The following EHMT1 variants were observed in gnomAD, a reference collection of about 807,000 sequenced individuals.
EHMT1 encodes histone-lysine N-methyltransferase EHMT1.
A neutral mutation model predicts 147.2 loss-of-function variants in EHMT1; 15 were observed. The observed-to-expected ratio is 0.10, with a 90% CI of 0.07 to 0.16. EHMT1 has a LOEUF of 0.16. Among genes scored for constraint, EHMT1 ranks in the 10% least tolerant of loss-of-function variants. The pLI is 1.00. For synonymous variants in EHMT1, 795 were observed against 709.6 expected (o/e 1.12, Z -1.91); for missense variants, 1,587 against 1,772.4 (o/e 0.90, Z 1.88).
At chr9:137,629,093 A>ATTTTTTTT (rs199719136) in intron 1 of EHMT1, among the ~76,000 whole-genome samples, 1 of 129,798 alleles carries the variant, frequency 7.7e-6, no homozygotes, top group African/African-American at 2.8e-5. Flanking sequence ...TTGCTTTTGT[A>ATTTTTTTT]TTTTTTTTTT....
In EHMT1 at chr9:137,707,500, G is replaced by T. The variant is rs535290481; in HGVS notation, c.22-3467G>T. Among the ~76,000 whole-genome samples, 11 of 152,292 alleles carry T rather than the reference G, an allele frequency of 7.2e-5. No homozygotes were observed. In the East Asian group the frequency reaches 1.9e-3, roughly 27 times the overall value. On this transcript the variant is annotated intron_variant, in intron 1 of 26. Coordinates refer to ENST00000460843, the MANE Select transcript of EHMT1 (RefSeq NM_024757.5). Reference sequence around the variant, plus strand: ...TCCCTTAATGGAAGTGAGCACTGGGGATGCTACAGACCAGGCAGAGGCATC... The same window carrying T: ...TCCCTTAATGGAAGTGAGCACTGGGTATGCTACAGACCAGGCAGAGGCATC...
intron 1 of EHMT1, among the ~76,000 whole-genome samples, chr9:137,668,955 C>T (rs1940056021): frequency 6.6e-6 from 1 of 152,182 alleles, no homozygotes; most frequent in Non-Finnish European, 1.5e-5. Flanking sequence ...GGCGCAATCT[C>T]AGCTCACTGC....
intron 25 of EHMT1, among the ~76,000 whole-genome samples, chr9:137,818,599 C>G (rs1167254208): frequency 7.1e-4 from 81 of 114,390 alleles, no homozygotes; most frequent in Non-Finnish European, 1.0e-3. Flanking sequence ...TTGAGGGGCG[C>G]CATGTACCGA....
At position 137,787,836 on chromosome 9, in the gene EHMT1, C is replaced by G. The variant is rs2137021668; in HGVS notation, c.2383-3012C>G. 1.0e-6 allele frequency: 1 copy of G among 1,002,578 alleles called. No individual in the cohort carries two copies. Among genetic ancestry groups the G allele is most frequent in the Admixed American group, 1.7e-5 (1 of 58,928 alleles). 62.1% of individuals were successfully genotyped at this position (1,002,578 alleles called of 1,614,324 possible). ...AGGGGCCACCCCCCAGTAGGCAGAG[C>G]TGGTTGACGGTGGACATTGGGGATA... is the stretch of plus-strand genomic sequence containing the variant. On this transcript the variant is annotated intron_variant, in intron 15 of 26. Coordinates refer to ENST00000460843, the MANE Select transcript of EHMT1 (RefSeq NM_024757.5). The surrounding 1 kb of genome is among the most constrained non-coding windows in gnomAD (Gnocchi z 4.2).
chr9:137,721,116 G>A (rs2135594007), intron 3 of EHMT1, among the ~76,000 whole-genome samples: 1 of 146,698 alleles, frequency 6.8e-6, no homozygotes, highest in East Asian at 2.0e-4. Context: ...TGTGACTGCT[G>A]ATGGGGAGCA....
rs1949220691 is a variant in EHMT1, at chr9:137,754,443, C to T, written c.1369+152C>T. On this transcript the variant is annotated intron_variant, in intron 8 of 26. Coordinates refer to ENST00000460843, the MANE Select transcript of EHMT1 (RefSeq NM_024757.5). The stretch of plus-strand genomic sequence containing the variant: ...GTTTGAAATGACTTTGTTAGAGAAA[C>T]TCAAGTGATTCTAAAGTAGTTTCCT... The T allele has an allele frequency of 4.3e-6, 5 of 1,162,856 alleles. No homozygotes were observed. The Admixed American group carries it at 1.4e-4, about 32-fold the overall frequency. The allele number at this position is 1,162,856 out of a possible 1,614,324, so 72.0% of individuals were successfully genotyped here.
At chr9:137,723,213 C>T (rs1273627564) in intron 3 of EHMT1, among the ~76,000 whole-genome samples, 3 of 80,630 alleles carry the variant, frequency 3.7e-5, no homozygotes, top group Non-Finnish European at 7.6e-5. Context: ...GGGCCTGAGC[C>T]CGGGGTGTGC....
intron 1 of EHMT1, among the ~76,000 whole-genome samples, chr9:137,659,123 G>T (rs577210112): frequency 1.3e-5 from 2 of 151,580 alleles, no homozygotes; most frequent in Non-Finnish European, 2.9e-5. Context: ...TATGTTTGTT[G>T]TGCCATCAAA....
At chr9:137,718,273 G>A (rs1028212995) in intron 3 of EHMT1, among the ~76,000 whole-genome samples, 10 of 152,358 alleles carry the variant, frequency 6.6e-5, no homozygotes, top group African/African-American at 1.7e-4. Flanking sequence ...CAGATCTTAC[G>A]TGGTGCATAC....
At position 137,813,125 on chromosome 9, in the gene EHMT1, A is replaced by G; in HGVS notation, c.2987A>G (p.Gln996Arg). 1 of 1,612,792 alleles carries G rather than the reference A, an allele frequency of 6.2e-7. No individual in the cohort carries two copies. Among genetic ancestry groups the G allele is most frequent in the Non-Finnish European group, 8.5e-7 (1 of 1,180,034 alleles). The change falls in exon 20 of 27, where the codon CAG becomes CGG. Residue 996 changes from glutamine (Q) to arginine (R), a missense_variant. Gln to Arg is a conservative substitution (Grantham distance 43). Coordinates refer to ENST00000460843, the MANE Select transcript of EHMT1 (RefSeq NM_024757.5). This position sits in a 1 kb window ranked among gnomAD's most constrained non-coding sequence, Gnocchi z 4.9. ...GCTCTGCAGATGAGCAAGGCTCTGCAGGACTCGGCCCCCGACAGGCCCAGC... is the reference window on the plus strand; with the variant it reads ...GCTCTGCAGATGAGCAAGGCTCTGCGGGACTCGGCCCCCGACAGGCCCAGC... ...WSALQMSKAL[Q>R]DSAPDRPSPV...
intron 1 of EHMT1, among the ~76,000 whole-genome samples, chr9:137,706,336 T>C (rs999888601): frequency 6.6e-6 from 1 of 152,170 alleles, no homozygotes; most frequent in African/African-American, 2.4e-5. Flanking sequence ...ATGTTGTGAG[T>C]GGAAAGGTCT....
chr9:137,713,088 A>C (rs1029021565), intron 2 of EHMT1, among the ~76,000 whole-genome samples: 5 of 152,010 alleles, frequency 3.3e-5, no homozygotes, highest in African/African-American at 1.2e-4. Flanking sequence ...GTTGGCTTTA[A>C]ATGTGAGGGT....
At chr9:137,657,230 G>A (rs983750650) in intron 1 of EHMT1, among the ~76,000 whole-genome samples, 5 of 152,204 alleles carry the variant, frequency 3.3e-5, no homozygotes, top group African/African-American at 9.6e-5. Flanking sequence ...GGAGCAAGGC[G>A]TGGGGCAGCC....
At chr9:137,719,113 G>T (rs1039187318) in intron 3 of EHMT1, among the ~76,000 whole-genome samples, 1 of 152,058 alleles carries the variant, frequency 6.6e-6, no homozygotes, top group Non-Finnish European at 1.5e-5. Context: ...TTCAAAAGAC[G>T]GTGATTATAA....
chr9:137,659,347 G>A (rs1938821294), intron 1 of EHMT1, among the ~76,000 whole-genome samples: 1 of 151,474 alleles, frequency 6.6e-6, no homozygotes, highest in African/African-American at 2.4e-5. Flanking sequence ...TGTTGTTTCT[G>A]TGTATTATGA....
At chr9:137,795,073 T>C (rs545031776) in intron 16 of EHMT1, 1 of 152,304 alleles carries the variant, frequency 6.6e-6, no homozygotes, top group East Asian at 1.9e-4. Flanking sequence ...CTTAACACTG[T>C]TGACAGGTCC....
At chr9:137,720,372 C>G (rs1047616044) in intron 3 of EHMT1, among the ~76,000 whole-genome samples, 2 of 152,108 alleles carry the variant, frequency 1.3e-5, no homozygotes, top group Non-Finnish European at 2.9e-5. Context: ...GGCCTGATCA[C>G]AGCTCTTTGC....
At chr9:137,809,953 G>A (rs1226650315) in intron 18 of EHMT1, among the ~76,000 whole-genome samples, 1 of 126,954 alleles carries the variant, frequency 7.9e-6, no homozygotes. Flanking sequence ...TTCCGATGCC[G>A]CCCTGTGTGG....
chr9:137,818,167 G>A (rs1185245314), intron 25 of EHMT1, 29 bp downstream of exon 25: 10 of 1,609,606 alleles, frequency 6.2e-6, no homozygotes, highest in Admixed American at 3.3e-5. Flanking sequence ...TTGGGGCCAC[G>A]CAGAACTTGT....
Sources: gnomAD v4.1 joint callset for allele counts (sites outside exome capture counted in the v4.1 genomes callset) on GRCh38, gnomAD v4.1.1 for gene constraint, Gnocchi (gnomAD v3.1) non-coding constraint, MANE v1.5 for transcripts, NCBI Gene and HGNC (gene_info 2026-07-23, HGNC 2026-07-21) for gene names.